The following EXOC3 variants were observed in gnomAD, a reference collection of about 807,000 sequenced individuals.
EXOC3 encodes the protein SEC6-like 1.
Under a neutral mutation model 73.7 loss-of-function variants are expected in EXOC3, and 21 were observed. That is an observed-to-expected ratio of 0.29 (90% CI 0.20 to 0.41). The LOEUF (loss-of-function observed/expected upper bound fraction) is 0.41. Among genes scored for constraint, EXOC3 ranks in the 10% least tolerant of loss-of-function variants. The probability of loss-of-function intolerance (pLI) is 1.00; values close to 1 mark genes in which losing one functional copy is unlikely to be tolerated. For missense variants in EXOC3, 842 were observed against 985.1 expected, an observed-to-expected ratio of 0.85 and a Z score of 1.95; for synonymous variants, 410 against 389.1, an observed-to-expected ratio of 1.05 and a Z score of -0.63.
chr5:455,975 C>G (rs988149158), intron 4 of EXOC3, among the ~76,000 whole-genome samples: 1 of 152,238 alleles, frequency 6.6e-6, no homozygotes, highest in East Asian at 1.9e-4. Flanking sequence ...CAGTAGACCT[C>G]ACGTAGTTTT....
At chr5:464,856 G>A (rs1738093007) in intron 10 of EXOC3, 1 of 548,532 alleles carries the variant, frequency 1.8e-6, no homozygotes. Flanking sequence ...GTGCTCATGC[G>A]CGGCACTGCC....
intron 10 of EXOC3, chr5:464,649 A>G (rs1259347488): frequency 2.1e-6 from 1 of 478,998 alleles, no homozygotes; most frequent in Non-Finnish European, 3.8e-6. Context: ...GTTCCCGGAG[A>G]GGCCCGCGTG....
chr5:459,132 C>T (rs1355936241), intron 6 of EXOC3, among the ~76,000 whole-genome samples: 1 of 151,786 alleles, frequency 6.6e-6, no homozygotes, highest in African/African-American at 2.4e-5. Context: ...ACCAGTTTGC[C>T]AGGAATTAAG....
chr5:455,413 A>G (rs1006497013), intron 4 of EXOC3, among the ~76,000 whole-genome samples: 1 of 152,262 alleles, frequency 6.6e-6, no homozygotes, highest in African/African-American at 2.4e-5. Context: ...GCTCCACTAG[A>G]AACATTCTCA....
At chr5:459,306 T>C in intron 6 of EXOC3, 53 bp from the exon 7 acceptor site, 1 of 954,082 alleles carries the variant, frequency 1.0e-6, no homozygotes, top group East Asian at 2.8e-5. Context: ...ACCTGCACTC[T>C]TAGTATACTC....
intron 3 of EXOC3, among the ~76,000 whole-genome samples, chr5:449,870 C>T (rs568608973): frequency 6.6e-6 from 1 of 152,344 alleles, no homozygotes; most frequent in Non-Finnish European, 1.5e-5. Flanking sequence ...ACTGTTTCCT[C>T]CGGTGGCTGC....
In EXOC3 at chr5:454,062, C is replaced by T. The variant is rs759192581; in HGVS notation, c.1046+11C>T. On this transcript the variant is annotated intron_variant, in intron 4 of 12. Transcript: ENST00000512944. The stretch of plus-strand genomic sequence containing the variant: ...AAACACCTACACAAGGTAAAGCTAA[C>T]CTGGCGCCTGTGTTGGCTCTTAGGT... 2 of 1,576,950 alleles carry T rather than the reference C, an allele frequency of 1.3e-6. No individual in the cohort carries two copies. Among genetic ancestry groups the T allele is most frequent in the Non-Finnish European group, 1.7e-6 (2 of 1,161,850 alleles).
At position 462,240 on chromosome 5, in the gene EXOC3, G is replaced by T. The variant is rs1387015437; in HGVS notation, c.1586G>T (p.Gly529Val). ...TCTCCGAGCCAGCCCAGCATGGACG[G>T]GATTTTAGACGCCATCGCGAAGGAG... ...GVSPSQPSMD[G>V]ILDAIAKEGC... Residue 529 changes from glycine (G) to valine (V), a missense_variant, in exon 9 of 13, where the codon GGG (glycine) becomes GTG (valine). Gly to Val is a moderately radical substitution (Grantham distance 109, BLOSUM62 -3). Coordinates refer to ENST00000512944, the MANE Select transcript of EXOC3 (RefSeq NM_007277.5). The T allele has an allele frequency of 5.0e-6, 8 of 1,613,964 alleles. No homozygotes were observed. The highest frequency in any genetic ancestry group is 6.8e-6 in the Non-Finnish European group (8 of 1,179,898).
rs375073810 is a variant in EXOC3 at position 448,515 on chromosome 5, T to C, written c.364+763T>C. 8.5e-5 allele frequency among the ~76,000 whole-genome samples: 13 copies of C among 152,232 alleles called. No homozygotes were observed. The East Asian group carries it at 2.5e-3, about 29-fold the overall frequency. Reference sequence around the variant, plus strand: ...CTGATTCCTTCCCTTTCTTTGTTCCTGTCTCTGGCCTCTTGGCAAGTTCTT... The same window carrying C: ...CTGATTCCTTCCCTTTCTTTGTTCCCGTCTCTGGCCTCTTGGCAAGTTCTT... On this transcript the variant is annotated intron_variant, in intron 3 of 12. Coordinates refer to ENST00000512944, the MANE Select transcript of EXOC3 (RefSeq NM_007277.5).
At chr5:457,602 C>T in intron 5 of EXOC3, 1 of 311,346 alleles carries the variant, frequency 3.2e-6, no homozygotes, top group Non-Finnish European at 6.1e-6. Context: ...CTCTGTGCAC[C>T]TGGGATTCAG....
intron 3 of EXOC3, among the ~76,000 whole-genome samples, chr5:449,237 C>G (rs1031602341): frequency 3.9e-5 from 6 of 152,186 alleles, no homozygotes; most frequent in African/African-American, 9.7e-5. Flanking sequence ...TGTCTCATTG[C>G]CTATAACTCA....
At chr5:465,676 G>T (rs1431433644) in intron 11 of EXOC3, 42 bp from the exon 12 acceptor site, 1 of 1,612,032 alleles carries the variant, frequency 6.2e-7, no homozygotes, top group Non-Finnish European at 8.5e-7. Context: ...CAGCGCCGCG[G>T]GACAGCCGAG....
intron 5 of EXOC3, chr5:457,233 C>T (rs907840321): frequency 1.8e-6 from 1 of 548,780 alleles, no homozygotes; most frequent in South Asian, 2.0e-5. Context: ...CTGCTGGAGA[C>T]GTGAGCCTGT....
intron 4 of EXOC3, among the ~76,000 whole-genome samples, chr5:454,560 T>C (rs1296882753): frequency 6.6e-6 from 1 of 152,240 alleles, no homozygotes; most frequent in East Asian, 1.9e-4. Flanking sequence ...AATAAACAGT[T>C]ACAAGTCTAG....
In EXOC3 at chr5:448,505, T is replaced by G. The variant is rs1737567683; in HGVS notation, c.364+753T>G. ...TTGGCAGGGTCTGATTCCTTCCCTT[T>G]CTTTGTTCCTGTCTCTGGCCTCTTG... On this transcript the variant is annotated intron_variant, in intron 3 of 12. Transcript: ENST00000512944. 2.6e-5 allele frequency among the ~76,000 whole-genome samples: 4 copies of G among 152,176 alleles called. No individual in the cohort carries two copies. The South Asian group carries it at 6.2e-4, about 24-fold the overall frequency.
intron 3 of EXOC3, among the ~76,000 whole-genome samples, chr5:453,022 T>G (rs377361978): frequency 1.3e-5 from 2 of 152,172 alleles, no homozygotes; most frequent in Non-Finnish European, 2.9e-5. Context: ...AGATCTCCGG[T>G]GTGGAGGACA....
chr5:458,666 C>T (rs1016409054), intron 6 of EXOC3, among the ~76,000 whole-genome samples: 9 of 152,196 alleles, frequency 5.9e-5, no homozygotes, highest in African/African-American at 9.7e-5. Flanking sequence ...AGTGTCCGAC[C>T]GCCCTGTGTC....
At position 466,907 on chromosome 5, in the gene EXOC3, G is replaced by T; in HGVS notation, c.*9G>T. 6.3e-7 allele frequency: 1 copy of T among 1,588,864 alleles called. No homozygotes were observed. Among genetic ancestry groups the T allele is most frequent in the South Asian group, 1.1e-5 (1 of 87,692 alleles). On this transcript the variant is annotated 3_prime_UTR_variant, in exon 13 of 13. Coordinates refer to ENST00000512944, the MANE Select transcript of EXOC3 (RefSeq NM_007277.5). ...CCAAGCTGCTCAAGTAGCCTCCGCC[G>T]GCCTGCCCTGCTCGCCCCTCCACAG...
intron 3 of EXOC3, 55 bp from the exon 4 acceptor site, chr5:453,315 G>A: frequency 7.2e-7 from 1 of 1,398,190 alleles, no homozygotes; most frequent in Non-Finnish European, 9.8e-7. Flanking sequence ...CCGCATGCAG[G>A]CAGCCTTTTA....
Sources: gnomAD v4.1 joint callset for allele counts (sites outside exome capture counted in the v4.1 genomes callset) on GRCh38, gnomAD v4.1.1 for gene constraint, MANE v1.5 for transcripts, NCBI Gene and HGNC (gene_info 2026-07-23, HGNC 2026-07-21) for gene names.